RGS7BP: variants seen among roughly 807,000 people sequenced by gnomAD.
RGS7BP encodes regulator of G protein signaling 7 binding protein, also known as regulator of G protein signaling 7-binding protein.
A neutral mutation model predicts 31.3 loss-of-function variants in RGS7BP; 9 were observed. The observed-to-expected ratio is 0.29, with a 90% CI of 0.17 to 0.50. The LOEUF (loss-of-function observed/expected upper bound fraction) is 0.50, where lower values mean the gene tolerates loss of function less well. Ranked by LOEUF, RGS7BP falls within the 20% of genes least tolerant of loss-of-function variation. The pLI, the probability that RGS7BP is intolerant of heterozygous loss-of-function variation, is 0.98. For missense variants in RGS7BP, 274 were observed against 322.0 expected (o/e 0.85, Z 1.14); for synonymous variants, 115 against 120.1 (o/e 0.96, Z 0.28).
chr5:64,537,560 A>T (rs1741408609), intron 2 of RGS7BP, among the ~76,000 whole-genome samples: 1 of 152,160 alleles, frequency 6.6e-6, no homozygotes, highest in Non-Finnish European at 1.5e-5. Context: ...TGGGCTCTCT[A>T]AGCTTTACCT....
intron 2 of RGS7BP, among the ~76,000 whole-genome samples, chr5:64,523,581 G>T (rs1749162342): frequency 6.6e-6 from 1 of 152,154 alleles, no homozygotes; most frequent in Non-Finnish European, 1.5e-5. Context: ...TAGTAACTGT[G>T]ACCTTTATCA....
Position 64,522,823 on chromosome 5 carries a change from C to T in RGS7BP, c.332+14946C>T, listed in dbSNP as rs565246217. ...GTAGATCTAATGTGAAAATGTGAAG[C>T]GAGTTCAGATATCTATTTAGGTGTA... is the stretch of plus-strand genomic sequence containing the variant. On this transcript the variant is annotated intron_variant, in intron 2 of 5. Transcript: ENST00000334025. 1.8e-4 allele frequency among the ~76,000 whole-genome samples: 28 copies of T among 152,174 alleles called. No individual in the cohort carries two copies. The South Asian group carries it at 2.9e-3, about 16-fold the overall frequency.
At chr5:64,590,215 C>T (rs1017852091) in intron 3 of RGS7BP, among the ~76,000 whole-genome samples, 1 of 151,730 alleles carries the variant, frequency 6.6e-6, no homozygotes, top group Non-Finnish European at 1.5e-5. Context: ...CAGTTAGAAT[C>T]TAAGTGTGAG....
At chr5:64,541,479 C>T (rs1447074396) in intron 2 of RGS7BP, among the ~76,000 whole-genome samples, 1 of 152,230 alleles carries the variant, frequency 6.6e-6, no homozygotes, top group Non-Finnish European at 1.5e-5. Flanking sequence ...ACGTACCCTG[C>T]ACAGCAGTTT....
intron 2 of RGS7BP, among the ~76,000 whole-genome samples, chr5:64,561,276 A>G (rs1742048842): frequency 6.6e-6 from 1 of 152,180 alleles, no homozygotes; most frequent in South Asian, 2.1e-4. Flanking sequence ...TAGGGGCTCA[A>G]CAAAGAAAAA....
chr5:64,568,795 T>C (rs10065315), intron 2 of RGS7BP, among the ~76,000 whole-genome samples: 20,228 of 149,924 alleles, frequency 0.13, 1,563 homozygotes, highest in Non-Finnish European at 0.17. Flanking sequence ...TTTTTTTTTT[T>C]TTAGTGTTTA....
Position 64,506,875 on chromosome 5 carries a change from C to T in RGS7BP, c.165+86C>T. ...TGTATGTTAATCATTTGCCTGAGTG[C>T]CAGCCACTCCCCCACCCTCAGCTCC... On this transcript the variant is annotated intron_variant, in intron 1 of 5. Coordinates refer to ENST00000334025, the MANE Select transcript of RGS7BP (RefSeq NM_001029875.3). This position sits in a 1 kb window ranked among gnomAD's most constrained non-coding sequence, Gnocchi z 4.6. 1.6e-6 allele frequency: 2 copies of T among 1,264,490 alleles called. No individual in the cohort carries two copies. The highest frequency in any genetic ancestry group is 2.2e-6 in the Non-Finnish European group (2 of 916,658). 78.3% of individuals were successfully genotyped at this position (1,264,490 alleles called of 1,614,324 possible).
Position 64,506,222 on chromosome 5 carries a change from G to A in RGS7BP, c.-403G>A, listed in dbSNP as rs1212166990. ...GACACCCCTTTCCGCCCCCCACCTT[G>A]CAGCGCAGGCTTTGAAAGCTGCTCC... On this transcript the variant is annotated 5_prime_UTR_variant, in exon 1 of 6. Coordinates refer to ENST00000334025, the MANE Select transcript of RGS7BP (RefSeq NM_001029875.3). This position sits in a 1 kb window ranked among gnomAD's most constrained non-coding sequence, Gnocchi z 4.6. 1 of 162,204 alleles carries A rather than the reference G, an allele frequency of 6.2e-6. No individual in the cohort carries two copies. The highest frequency in any genetic ancestry group is 1.3e-5 in the Non-Finnish European group (1 of 74,990). The allele number at this position is 162,204 out of a possible 1,614,324, so 10.0% of individuals were successfully genotyped here.
intron 2 of RGS7BP, among the ~76,000 whole-genome samples, chr5:64,525,738 C>T (rs1749216714): frequency 6.6e-6 from 1 of 152,178 alleles, no homozygotes; most frequent in Admixed American, 6.5e-5. Flanking sequence ...CCCACGACCC[C>T]ACAGGTGCCC....
intron 2 of RGS7BP, among the ~76,000 whole-genome samples, chr5:64,556,984 T>A (rs2111851754): frequency 6.6e-6 from 1 of 152,270 alleles, no homozygotes; most frequent in Non-Finnish European, 1.5e-5. Flanking sequence ...TTAGTGCACA[T>A]CACTTGGAGA....
intron 2 of RGS7BP, among the ~76,000 whole-genome samples, chr5:64,521,624 CTA>C (rs1166107474): frequency 2.0e-5 from 3 of 152,148 alleles, no homozygotes; most frequent in African/African-American, 7.2e-5. Context: ...TACCATATTC[CTA>C]TTTTTCCATT....
At chr5:64,517,054 C>T (rs1253688713) in intron 2 of RGS7BP, among the ~76,000 whole-genome samples, 2 of 150,516 alleles carry the variant, frequency 1.3e-5, no homozygotes, top group Non-Finnish European at 2.9e-5. Context: ...TTGGGCAATT[C>T]GGAACTGGTA....
intron 2 of RGS7BP, among the ~76,000 whole-genome samples, chr5:64,566,162 C>CTAT (rs1263881434): frequency 1.3e-5 from 2 of 151,968 alleles, no homozygotes; most frequent in African/African-American, 2.4e-5. Flanking sequence ...TCTGTTTTTG[C>CTAT]TATTATTATT....
intron 3 of RGS7BP, among the ~76,000 whole-genome samples, chr5:64,579,979 G>C (rs1479709788): frequency 6.6e-6 from 1 of 152,064 alleles, no homozygotes; most frequent in Admixed American, 6.6e-5. Context: ...TTCTTTCTTT[G>C]ATAACATTGG....
chr5:64,536,116 C>T (rs1741348116), intron 2 of RGS7BP, among the ~76,000 whole-genome samples: 1 of 152,144 alleles, frequency 6.6e-6, no homozygotes. Flanking sequence ...GTCCAGAAGT[C>T]TCTTTGGGTA....
chr5:64,560,035 A>G (rs573723717), intron 2 of RGS7BP, among the ~76,000 whole-genome samples: 18 of 152,274 alleles, frequency 1.2e-4, no homozygotes, highest in Non-Finnish European at 2.2e-4. Context: ...TAATCAGTCT[A>G]AATTAAGCCA....
In RGS7BP at chr5:64,527,688, C is replaced by T. The variant is rs187500355; in HGVS notation, c.332+19811C>T. Among the ~76,000 whole-genome samples, 1,130 of 134,078 alleles carry T rather than the reference C, an allele frequency of 8.4e-3. 8 individuals carry two copies. Among genetic ancestry groups the T allele is most frequent in the Non-Finnish European group, 0.014 (843 of 61,378 alleles). The allele number at this position is 134,078 out of a possible 152,430, so 88.0% of individuals were successfully genotyped here. ...AACAGAGGATTAATTAAATAAATAA[C>T]GCATACCCAGGTGCTAGAATACAGT... is the stretch of plus-strand genomic sequence containing the variant. On this transcript the variant is annotated intron_variant, in intron 2 of 5. Coordinates refer to ENST00000334025, the MANE Select transcript of RGS7BP (RefSeq NM_001029875.3).
rs1580400108 is a variant in RGS7BP at position 64,529,145 on chromosome 5, C to A, written c.332+21268C>A. Among the ~76,000 whole-genome samples the A allele has an allele frequency of 2.6e-5, 4 of 151,944 alleles. No individual in the cohort carries two copies. In the South Asian group the frequency reaches 8.3e-4, roughly 32 times the overall value. On this transcript the variant is annotated intron_variant, in intron 2 of 5. Coordinates refer to ENST00000334025, the MANE Select transcript of RGS7BP (RefSeq NM_001029875.3). The stretch of plus-strand genomic sequence containing the variant: ...TTGATTAGAAAAATGTACTTTTTTG[C>A]CATTTTAATACCAAAAAAAGAGAAT...
intron 2 of RGS7BP, among the ~76,000 whole-genome samples, chr5:64,538,958 G>T (rs1580410302): frequency 6.6e-6 from 1 of 152,052 alleles, no homozygotes; most frequent in South Asian, 2.1e-4. Context: ...TTGTTCTGTA[G>T]CATTCTGTTG....
Sources: gnomAD v4.1 joint callset for allele counts (sites outside exome capture counted in the v4.1 genomes callset) on GRCh38, gnomAD v4.1.1 for gene constraint, Gnocchi (gnomAD v3.1) non-coding constraint, MANE v1.5 for transcripts, NCBI Gene and HGNC (gene_info 2026-07-23, HGNC 2026-07-21) for gene names.